Variants in LRRIQ1 observed in about 807,000 individuals in gnomAD.
LRRIQ1 encodes the protein leucine-rich repeat- and IQ domain-containing protein 1.
LRRIQ1 carries 210 observed loss-of-function variants against 211.9 expected under a neutral mutation model. The ratio of observed to expected loss-of-function variants is 0.99; its 90% CI spans 0.89 to 1.11. The LOEUF (loss-of-function observed/expected upper bound fraction) is 1.11, where lower values mean the gene tolerates loss of function less well. LRRIQ1 is among the 50% of genes most tolerant of loss of function. The pLI is 0.00. For synonymous variants in LRRIQ1, 699 were observed against 650.1 expected (o/e 1.08, Z -1.14); for missense variants, 2,136 against 1,939.5 (o/e 1.10, Z -1.90).
intron 11 of LRRIQ1, among the ~76,000 whole-genome samples, chr12:85,078,831 C>T (rs1224625556): frequency 6.6e-6 from 1 of 151,508 alleles, no homozygotes; most frequent in Non-Finnish European, 1.5e-5. Context: ...GCCAAGTAGT[C>T]GAAAAAAAAT....
chr12:85,131,693 A>G (rs1197596567), intron 18 of LRRIQ1, among the ~76,000 whole-genome samples: 5 of 152,116 alleles, frequency 3.3e-5, no homozygotes, highest in African/African-American at 1.2e-4. Flanking sequence ...ATGGTGAGAG[A>G]TGTGTGCAGT....
chr12:85,124,089 A>G lies in LRRIQ1; in HGVS notation c.3577A>G (p.Thr1193Ala), dbSNP rs1239655354. 1 of 1,610,192 alleles carries G rather than the reference A, an allele frequency of 6.2e-7. No individual in the cohort carries two copies. The highest frequency in any genetic ancestry group is 2.2e-5 in the East Asian group (1 of 44,880). Residue 1193 changes from threonine to alanine, a missense_variant, in exon 17 of 27, where the codon ACT becomes GCT. Physicochemically the swap from Thr to Ala is moderately conservative, Grantham distance 58. Coordinates refer to ENST00000393217, the MANE Select transcript of LRRIQ1 (RefSeq NM_001079910.2). Reference sequence around the variant, plus strand: ...GTTCAGAGATGTATTTACCTTGGATACTGCAGAAAATCTCTGTCATTATTT... The same window carrying G: ...GTTCAGAGATGTATTTACCTTGGATGCTGCAGAAAATCTCTGTCATTATTT... ...TGKGDVFTLD[T>A]AENLCHYFKK... is the part of the protein sequence containing the mutation.
intron 15 of LRRIQ1, among the ~76,000 whole-genome samples, chr12:85,108,471 A>G (rs761959919): frequency 2.0e-5 from 3 of 152,034 alleles, no homozygotes; most frequent in Non-Finnish European, 4.4e-5. Flanking sequence ...CTAATCTCCT[A>G]TGTCAGTTCC....
chr12:85,267,436 G>C (rs142838441), downstream of LRRIQ1, among the ~76,000 whole-genome samples: 1 of 152,062 alleles, frequency 6.6e-6, no homozygotes, highest in South Asian at 2.1e-4. Context: ...AGTAATTTTA[G>C]ATTAACATCT....
chr12:85,178,481 T>G (rs1381774246), intron 24 of LRRIQ1, among the ~76,000 whole-genome samples: 1 of 152,024 alleles, frequency 6.6e-6, no homozygotes, highest in Non-Finnish European at 1.5e-5. Context: ...TTCATTTTCT[T>G]CCGCTGTCCT....
intron 22 of LRRIQ1, 54 bp from the exon 23 acceptor site, chr12:85,153,958 C>T: frequency 1.6e-6 from 2 of 1,216,428 alleles, no homozygotes; most frequent in Admixed American, 5.3e-5. Context: ...ATATGCATAT[C>T]TAAATATGAT....
At chr12:85,111,453 C>T (rs991175599) in intron 15 of LRRIQ1, among the ~76,000 whole-genome samples, 4 of 152,018 alleles carry the variant, frequency 2.6e-5, no homozygotes, top group African/African-American at 9.7e-5. Context: ...TAGTTCCATT[C>T]GTGTAACTAG....
At chr12:85,225,894 T>A (rs1226194166) in intron 24 of LRRIQ1, among the ~76,000 whole-genome samples, 1 of 152,178 alleles carries the variant, frequency 6.6e-6, no homozygotes, top group African/African-American at 2.4e-5. Context: ...CAGGAGTAAT[T>A]CTGAAATGAT....
intron 9 of LRRIQ1, among the ~76,000 whole-genome samples, chr12:85,066,391 A>G (rs924827706): frequency 6.6e-6 from 1 of 151,828 alleles, no homozygotes; most frequent in African/African-American, 2.4e-5. Flanking sequence ...CACCCCACAT[A>G]CAATGGTGAG....
At chr12:85,108,432 A>G (rs1027460156) in intron 15 of LRRIQ1, among the ~76,000 whole-genome samples, 8 of 152,096 alleles carry the variant, frequency 5.3e-5, no homozygotes, top group African/African-American at 9.7e-5. Context: ...CCGGTCTTCT[A>G]TGTATTCTTT....
At position 85,036,418 on chromosome 12, in the gene LRRIQ1, G is replaced by A. The variant is rs1167482366; in HGVS notation, c.-25+11G>A. On this transcript the variant is annotated intron_variant, in intron 1 of 26. Coordinates refer to ENST00000393217, the MANE Select transcript of LRRIQ1 (RefSeq NM_001079910.2). ...TCTCGCTGCTGAGGGGTGAGCCGGG[G>A]TCTTAAGACTGGGATTCCCGTTGAG... The A allele has an allele frequency of 6.6e-6, 1 of 152,280 alleles. No homozygotes were observed. The highest frequency in any genetic ancestry group is 1.5e-5 in the Non-Finnish European group (1 of 68,152). The allele number at this position is 152,280 out of a possible 1,614,324, so 9.4% of individuals were successfully genotyped here.
At chr12:85,047,586 G>T in intron 6 of LRRIQ1, 116 bp downstream of exon 6, 1 of 776,468 alleles carries the variant, frequency 1.3e-6, no homozygotes, top group Non-Finnish European at 2.1e-6. Flanking sequence ...ATTACTCTCT[G>T]ATAGAGGAAG....
intron 11 of LRRIQ1, among the ~76,000 whole-genome samples, chr12:85,082,986 T>C (rs1389024479): frequency 6.6e-6 from 1 of 152,206 alleles, no homozygotes; most frequent in Admixed American, 6.5e-5. Flanking sequence ...AAATCTGAGC[T>C]ACAAACCTAT....
At chr12:85,062,460 C>G (rs1263118011) in intron 8 of LRRIQ1, among the ~76,000 whole-genome samples, 1 of 151,750 alleles carries the variant, frequency 6.6e-6, no homozygotes, top group African/African-American at 2.4e-5. Context: ...ATTTGGTTTT[C>G]TGTTTCTGTG....
At chr12:85,084,803 G>A (rs898097550) in intron 11 of LRRIQ1, among the ~76,000 whole-genome samples, 2 of 151,908 alleles carry the variant, frequency 1.3e-5, no homozygotes, top group Admixed American at 6.6e-5. Context: ...GCGCATGCCT[G>A]TAGTCCCAGT....
At position 85,202,917 on chromosome 12, in the gene LRRIQ1, T is replaced by A. The variant is rs142550889; in HGVS notation, c.4823-26600T>A. 1.1e-4 allele frequency among the ~76,000 whole-genome samples: 16 copies of A among 152,324 alleles called. No individual in the cohort carries two copies. The East Asian group carries it at 2.9e-3, about 28-fold the overall frequency. On this transcript the variant is annotated intron_variant, in intron 24 of 26. Coordinates refer to ENST00000393217, the MANE Select transcript of LRRIQ1 (RefSeq NM_001079910.2). The stretch of plus-strand genomic sequence containing the variant: ...TTAAGTGTGTTTTTGTAGTGGCCAG[T>A]AATGGTTTTTCCTTTCCATGTTTAA...
chr12:85,037,712 T>C (rs1419704311), intron 1 of LRRIQ1, among the ~76,000 whole-genome samples: 1 of 151,928 alleles, frequency 6.6e-6, no homozygotes, highest in Non-Finnish European at 1.5e-5. Flanking sequence ...TTTAAACTAG[T>C]GTCATGAAAA....
chr12:85,114,214 A>G (rs1185881082), intron 15 of LRRIQ1, among the ~76,000 whole-genome samples: 1 of 152,134 alleles, frequency 6.6e-6, no homozygotes, highest in South Asian at 2.1e-4. Flanking sequence ...TACTGTTTAT[A>G]ATGAAAATAT....
At chr12:85,149,080 T>C (rs1201506618) in intron 19 of LRRIQ1, among the ~76,000 whole-genome samples, 1 of 152,008 alleles carries the variant, frequency 6.6e-6, no homozygotes, top group Non-Finnish European at 1.5e-5. Flanking sequence ...GTTGCAAAAA[T>C]TTTCTGCCAT....
Sources: gnomAD v4.1 joint callset for allele counts (sites outside exome capture counted in the v4.1 genomes callset) on GRCh38, gnomAD v4.1.1 for gene constraint, MANE v1.5 for transcripts, NCBI Gene and HGNC (gene_info 2026-07-23, HGNC 2026-07-21) for gene names.